The following PTPRJ variants were observed in gnomAD, a reference collection of about 807,000 sequenced individuals.
The protein encoded by PTPRJ is receptor-type tyrosine-protein phosphatase eta.
Under a neutral mutation model 141.3 loss-of-function variants are expected in PTPRJ, and 129 were observed. That is an observed-to-expected ratio of 0.91 (90% CI 0.79 to 1.06). The LOEUF is 1.06. Ranked by LOEUF, PTPRJ falls within the 50% of genes least tolerant of loss-of-function variation. The pLI is 0.00. For missense variants in PTPRJ, 1,601 were observed against 1,679.7 expected (o/e 0.95, Z 0.82); for synonymous variants, 610 against 640.5 (o/e 0.95, Z 0.72).
At chr11:48,144,181 CA>C (rs1857298782) in intron 12 of PTPRJ, among the ~76,000 whole-genome samples, 2 of 152,220 alleles carry the variant, frequency 1.3e-5, no homozygotes, top group South Asian at 4.1e-4. Context: ...TAACCTGTGG[CA>C]AAATTTCAAA....
At chr11:48,132,778 A>T in intron 8 of PTPRJ, 1 of 955,314 alleles carries the variant, frequency 1.0e-6, no homozygotes, top group East Asian at 1.2e-4. Context: ...ATTCTCCTTG[A>T]AGAAGCTTCT....
rs141578400 is a variant in PTPRJ at position 48,159,997 on chromosome 11, C to T, written c.3506C>T (p.Thr1169Ile). ...TATGGAGACATAACTGTGGCAATGA[C>T]ATCAGAAATTGTTCTTCCGGAATGG... The part of the protein sequence containing the change: ...QDYGDITVAM[T>I]SEIVLPEWTI... The change falls in exon 22 of 25, where the codon ACA (threonine) becomes ATA (isoleucine). Residue 1169 changes from threonine (T) to isoleucine (I), a missense_variant. Physicochemically the swap from Thr to Ile is moderately conservative, Grantham distance 89. Transcript: ENST00000418331. The T allele has an allele frequency of 1.7e-4, 277 of 1,613,802 alleles. 1 individual carries two copies. The African/African-American group carries it at 3.3e-3, about 19-fold the overall frequency.
intron 1 of PTPRJ, among the ~76,000 whole-genome samples, chr11:48,047,494 G>A (rs1854439137): frequency 8.2e-6 from 1 of 121,334 alleles, no homozygotes; most frequent in Non-Finnish European, 1.8e-5. Flanking sequence ...ATTAACCTAT[G>A]GTAATTTTTT....
chr11:48,086,315 G>A (rs1443328069), intron 1 of PTPRJ, among the ~76,000 whole-genome samples: 1 of 152,132 alleles, frequency 6.6e-6, no homozygotes, highest in East Asian at 1.9e-4. Context: ...GGGATTATAG[G>A]CACACACCAC....
chr11:48,132,121 T>G, intron 8 of PTPRJ: 4 of 985,452 alleles, frequency 4.1e-6, no homozygotes, highest in Non-Finnish European at 4.8e-6. Context: ...GAACCTCTGG[T>G]CAAGATGTGT....
At chr11:48,116,317 T>C (rs1856566080) in intron 3 of PTPRJ, among the ~76,000 whole-genome samples, 1 of 152,180 alleles carries the variant, frequency 6.6e-6, no homozygotes, top group Non-Finnish European at 1.5e-5. Context: ...AAACTTTTAA[T>C]GGAGACAACA....
At chr11:48,080,777 C>T (rs192627074) in intron 1 of PTPRJ, among the ~76,000 whole-genome samples, 1 of 152,332 alleles carries the variant, frequency 6.6e-6, no homozygotes, top group Admixed American at 6.5e-5. Context: ...ATTCCTCCAC[C>T]TTTAAGCTCC....
At chr11:48,053,248 A>G (rs1419994632) in intron 1 of PTPRJ, among the ~76,000 whole-genome samples, 3 of 84,866 alleles carry the variant, frequency 3.5e-5, no homozygotes, top group Non-Finnish European at 6.1e-5. Flanking sequence ...ATATATTTAT[A>G]TAATATATAT....
intron 1 of PTPRJ, among the ~76,000 whole-genome samples, chr11:48,057,030 A>G (rs1441378486): frequency 6.6e-6 from 1 of 152,214 alleles, no homozygotes; most frequent in Non-Finnish European, 1.5e-5. Flanking sequence ...ATAAATATGA[A>G]AAGAGCAGGG....
At chr11:47,991,990 G>A (rs1288136526) in intron 1 of PTPRJ, among the ~76,000 whole-genome samples, 2 of 152,046 alleles carry the variant, frequency 1.3e-5, no homozygotes, top group Non-Finnish European at 2.9e-5. Context: ...ATCTTATACT[G>A]TAGTTTACAA....
At chr11:48,051,911 A>G (rs550888321) in intron 1 of PTPRJ, among the ~76,000 whole-genome samples, 16 of 152,370 alleles carry the variant, frequency 1.1e-4, no homozygotes, top group African/African-American at 1.9e-4. Context: ...GATGATAGTC[A>G]TATCTGAATG....
rs1287470592 is a variant in PTPRJ, at chr11:48,132,792, A to C, written c.1615+2076A>C. On this transcript the variant is annotated intron_variant, in intron 8 of 24. Coordinates refer to ENST00000418331, the MANE Select transcript of PTPRJ (RefSeq NM_002843.4). ...GATTCTCCTTGAAGAAGCTTCTTCA[A>C]CTGTGCTGGTTGGGTTAAGCACCGA... The C allele has an allele frequency of 2.2e-5, 20 of 928,996 alleles. No homozygotes were observed. The South Asian group carries it at 4.0e-4, about 18-fold the overall frequency. The allele number at this position is 928,996 out of a possible 1,614,324, so 57.5% of individuals were successfully genotyped here.
At chr11:48,084,662 G>T (rs1372458015) in intron 1 of PTPRJ, among the ~76,000 whole-genome samples, 1 of 152,166 alleles carries the variant, frequency 6.6e-6, no homozygotes, top group Admixed American at 6.5e-5. Context: ...AGCTCTGACT[G>T]CTTGGTTCAT....
Position 48,125,057 on chromosome 11 carries a change from G to A in PTPRJ, c.964G>A (p.Gly322Ser), listed in dbSNP as rs779554388. The change falls in exon 6 of 25, where the codon GGC becomes AGC. Residue 322 changes from glycine to serine, a missense_variant. By Grantham distance (56) the Gly-to-Ser change is moderately conservative. Coordinates refer to ENST00000418331, the MANE Select transcript of PTPRJ (RefSeq NM_002843.4). ...SLVGPVDPSS[G>S]QQSRDTEVLL... ...CGTGGGACCTGTGGACCCATCCTCC[G>A]GCCAGCAGTCCCGAGACACGGAAGT... The A allele has an allele frequency of 1.2e-5, 19 of 1,613,934 alleles. No individual in the cohort carries two copies. Among genetic ancestry groups the A allele is most frequent in the South Asian group, 2.2e-5 (2 of 91,078 alleles).
At chr11:48,056,503 G>T (rs1052831884) in intron 1 of PTPRJ, among the ~76,000 whole-genome samples, 1 of 152,208 alleles carries the variant, frequency 6.6e-6, no homozygotes, top group Non-Finnish European at 1.5e-5. Flanking sequence ...TATTAGAGCG[G>T]CAGTTTGGCG....
intron 21 of PTPRJ, among the ~76,000 whole-genome samples, chr11:48,156,786 T>C (rs1857619203): frequency 6.6e-6 from 1 of 151,952 alleles, no homozygotes; most frequent in Non-Finnish European, 1.5e-5. Context: ...AAGGTCTCAC[T>C]GTGTTGCCCA....
chr11:48,030,705 T>C (rs1853956626), intron 1 of PTPRJ, among the ~76,000 whole-genome samples: 1 of 152,168 alleles, frequency 6.6e-6, no homozygotes, highest in South Asian at 2.1e-4. Flanking sequence ...ATTGTGCCAC[T>C]GCACTGCAGC....
chr11:48,132,011 A>G (rs1033561180), intron 8 of PTPRJ: 1 of 373,782 alleles, frequency 2.7e-6, no homozygotes, highest in Admixed American at 6.5e-5. Flanking sequence ...AATCCCTGAT[A>G]TAGTAAATAT....
At chr11:48,126,775 AAC>A (rs10599361) in intron 6 of PTPRJ, among the ~76,000 whole-genome samples, 7,503 of 136,760 alleles carry the variant, frequency 0.055, 246 homozygotes, top group Admixed American at 0.1. Context: ...AGTCTGTTGC[AAC>A]ACACACACAC....
Sources: gnomAD v4.1 joint callset for allele counts (sites outside exome capture counted in the v4.1 genomes callset) on GRCh38, gnomAD v4.1.1 for gene constraint, MANE v1.5 for transcripts, NCBI Gene and HGNC (gene_info 2026-07-23, HGNC 2026-07-21) for gene names.